The following ACBD6 variants were observed in gnomAD, a reference collection of about 807,000 sequenced individuals.
ACBD6 encodes the protein acyl-CoA binding domain containing 6.
In ACBD6, 28 loss-of-function variants were observed where a neutral mutation model predicts 37.2. The ratio of observed to expected loss-of-function variants is 0.75; its 90% CI spans 0.56 to 1.03. The LOEUF (loss-of-function observed/expected upper bound fraction) is 1.03, where lower values mean the gene tolerates loss of function less well. Ranked by LOEUF, ACBD6 falls within the 50% of genes least tolerant of loss-of-function variation. The pLI is 0.00. For missense variants in ACBD6, 340 were observed against 337.4 expected (o/e 1.01, Z -0.06); for synonymous variants, 113 against 126.8 (o/e 0.89, Z 0.73).
intron 7 of ACBD6, among the ~76,000 whole-genome samples, chr1:180,296,988 T>G (rs1649944178): frequency 6.6e-6 from 1 of 152,046 alleles, no homozygotes; most frequent in East Asian, 2.0e-4. Flanking sequence ...TAGCTGGGTG[T>G]GGTGGCTTGT....
intron 3 of ACBD6, among the ~76,000 whole-genome samples, chr1:180,453,081 C>T (rs1350083758): frequency 6.6e-6 from 1 of 152,208 alleles, no homozygotes; most frequent in Non-Finnish European, 1.5e-5. Flanking sequence ...CCAGCATCAA[C>T]CTGATATCAA....
intron 6 of ACBD6, among the ~76,000 whole-genome samples, chr1:180,375,000 G>T (rs752315785): frequency 1.3e-5 from 2 of 152,056 alleles, no homozygotes; most frequent in Non-Finnish European, 2.9e-5. Flanking sequence ...TCTTGTATTG[G>T]TGACTCAATA....
At chr1:180,479,759 G>C (rs935706245) in intron 3 of ACBD6, among the ~76,000 whole-genome samples, 1 of 152,048 alleles carries the variant, frequency 6.6e-6, no homozygotes, top group African/African-American at 2.4e-5. Flanking sequence ...AGGCGGAGGC[G>C]GGTGGATTGC....
At chr1:180,378,803 A>G (rs10798754) in intron 6 of ACBD6, among the ~76,000 whole-genome samples, 100,278 of 151,816 alleles carry the variant, frequency 0.66, 33,196 homozygotes, top group South Asian at 0.76. Flanking sequence ...CTACCTGCAG[A>G]TTTGGGCACT....
At position 180,304,527 on chromosome 1, in the gene ACBD6, C is replaced by A. The variant is rs1447398687; in HGVS notation, c.694+10165G>T. ...AACTGCTTCAAAGAGAATAAAATAC[C>A]TAGGAATCCAACTTACAAGGGATGT... On this transcript the variant is annotated intron_variant, in intron 7 of 7. Coordinates refer to ENST00000367595, the MANE Select transcript of ACBD6 (RefSeq NM_032360.4). 4.6e-5 allele frequency among the ~76,000 whole-genome samples: 7 copies of A among 150,588 alleles called. 1 individual carries two copies. Among genetic ancestry groups the A allele is most frequent in the African/African-American group, 1.7e-4 (7 of 41,274 alleles).
intron 4 of ACBD6, among the ~76,000 whole-genome samples, chr1:180,424,498 G>A (rs569616810): frequency 1.3e-5 from 2 of 152,246 alleles, no homozygotes; most frequent in African/African-American, 4.8e-5. Context: ...AAGGGGGTGA[G>A]CGGAAAACTG....
At chr1:180,362,659 A>G (rs983468013) in intron 6 of ACBD6, among the ~76,000 whole-genome samples, 1 of 152,196 alleles carries the variant, frequency 6.6e-6, no homozygotes. Context: ...GTTGGCAATG[A>G]CAACTCAGAA....
chr1:180,473,020 C>T (rs1650627256), intron 3 of ACBD6, among the ~76,000 whole-genome samples: 1 of 151,936 alleles, frequency 6.6e-6, no homozygotes, highest in African/African-American at 2.4e-5. Context: ...AAAACATATA[C>T]AAGTGAAATG....
At chr1:180,448,804 A>G (rs2102023348) in intron 3 of ACBD6, among the ~76,000 whole-genome samples, 1 of 152,346 alleles carries the variant, frequency 6.6e-6, no homozygotes, top group African/African-American at 2.4e-5. Flanking sequence ...AGAGATGCCA[A>G]TGCCACACAA....
chr1:180,481,150 C>T (rs963216988), intron 3 of ACBD6, among the ~76,000 whole-genome samples: 2 of 152,150 alleles, frequency 1.3e-5, no homozygotes, highest in African/African-American at 4.8e-5. Flanking sequence ...ATGCACTTCA[C>T]TGCAAACCAC....
chr1:180,385,912 G>A (rs919054027), intron 6 of ACBD6, among the ~76,000 whole-genome samples: 4 of 152,212 alleles, frequency 2.6e-5, no homozygotes, highest in African/African-American at 9.6e-5. Flanking sequence ...GCTCACACCT[G>A]TAATCCCAGC....
intron 3 of ACBD6, among the ~76,000 whole-genome samples, chr1:180,470,133 T>C (rs1650504207): frequency 6.6e-6 from 1 of 152,180 alleles, no homozygotes; most frequent in Non-Finnish European, 1.5e-5. Flanking sequence ...TGTTAAAAAA[T>C]GCATGCTAAA....
At chr1:180,382,944 A>G (rs768624443) in intron 6 of ACBD6, among the ~76,000 whole-genome samples, 2 of 152,224 alleles carry the variant, frequency 1.3e-5, no homozygotes, top group Non-Finnish European at 2.9e-5. Context: ...AAGGACAAAA[A>G]CCATACGACC....
chr1:180,433,597 T>A (rs61351316), intron 3 of ACBD6, among the ~76,000 whole-genome samples: 72,470 of 147,020 alleles, frequency 0.49, 19,973 homozygotes, highest in South Asian at 0.65. Flanking sequence ...TGTGTGTGTG[T>A]GTGTGTGTGT....
intron 8 of ACBD6, among the ~76,000 whole-genome samples, chr1:180,283,023 A>G (rs1168919596): frequency 7.5e-6 from 1 of 134,148 alleles, no homozygotes; most frequent in Non-Finnish European, 1.5e-5. Context: ...AAACGGAGCT[A>G]AAGTGCTATA....
chr1:180,320,760 T>C (rs955684940), intron 6 of ACBD6, among the ~76,000 whole-genome samples: 1 of 152,214 alleles, frequency 6.6e-6, no homozygotes, highest in African/African-American at 2.4e-5. Context: ...TTTCACTTTG[T>C]TGATTGTTTC....
chr1:180,302,186 T>TA (rs113476815), intron 7 of ACBD6, among the ~76,000 whole-genome samples: 17,799 of 151,818 alleles, frequency 0.12, 1,600 homozygotes, highest in African/African-American at 0.25. Flanking sequence ...AGAGTATAAT[T>TA]AAAAAAATAG....
intron 7 of ACBD6, among the ~76,000 whole-genome samples, chr1:180,309,940 C>T (rs1031579049): frequency 3.3e-5 from 5 of 151,976 alleles, no homozygotes; most frequent in Non-Finnish European, 4.4e-5. Flanking sequence ...ACTATATAAA[C>T]ATGTTTGAGG....
At chr1:180,421,134 T>G (rs1469462501) in intron 4 of ACBD6, among the ~76,000 whole-genome samples, 1 of 152,148 alleles carries the variant, frequency 6.6e-6, no homozygotes, top group African/African-American at 2.4e-5. Context: ...AAGCCCAGCA[T>G]CCATTAGCTA....
Sources: allele counts gnomAD v4.1 joint callset (sites outside exome capture counted in the v4.1 genomes callset), GRCh38; gene constraint gnomAD v4.1.1; transcripts MANE v1.5; gene names NCBI Gene and HGNC (gene_info 2026-07-23, HGNC 2026-07-21).